The following PRR5L variants were observed in gnomAD, a reference collection of about 807,000 sequenced individuals.
PRR5L encodes the protein proline rich 5 like.
A neutral mutation model predicts 36.4 loss-of-function variants in PRR5L; 21 were observed. The ratio of observed to expected loss-of-function variants is 0.58; its 90% CI spans 0.41 to 0.83. The LOEUF is 0.83. Among genes scored for constraint, PRR5L ranks in the 40% least tolerant of loss-of-function variants. The pLI, the probability that PRR5L is intolerant of heterozygous loss-of-function variation, is 0.00. For missense variants in PRR5L, 381 were observed against 473.3 expected, an observed-to-expected ratio of 0.80 and a Z score of 1.81; for synonymous variants, 188 against 197.0, an observed-to-expected ratio of 0.95 and a Z score of 0.38.
Position 36,462,394 on chromosome 11 carries a change from C to T in PRR5L, c.765C>T (p.Ser255=), listed in dbSNP as rs1435336463. 1 of 1,557,950 alleles carries T rather than the reference C, an allele frequency of 6.4e-7. No homozygotes were observed. The highest frequency in any genetic ancestry group is 8.7e-7 in the Non-Finnish European group (1 of 1,149,510). ...RPKVTVLNYA[S]PITAVSRPLN... ...AGGTGACTGTCCTGAACTATGCCTC[C>T]CCGATAACCGCAGTCAGCCGGCCAC... The change falls in exon 9 of 9, where the codon TCC becomes TCT. Residue 255 remains serine, a synonymous_variant. Coordinates refer to ENST00000530639, the MANE Select transcript of PRR5L (RefSeq NM_001160167.2).
intron 1 of PRR5L, among the ~76,000 whole-genome samples, chr11:36,379,718 G>T (rs979976325): frequency 6.6e-6 from 1 of 152,158 alleles, no homozygotes; most frequent in African/African-American, 2.4e-5. Context: ...AGCCAAGGAG[G>T]GGGATGGATG....
chr11:36,352,659 C>G (rs1478689974), intron 1 of PRR5L, among the ~76,000 whole-genome samples: 2 of 152,094 alleles, frequency 1.3e-5, no homozygotes, highest in East Asian at 3.9e-4. Flanking sequence ...TCCCCTGTTT[C>G]TTCTATTCAG....
At chr11:36,309,699 C>G (rs1484637024) in intron 1 of PRR5L, among the ~76,000 whole-genome samples, 1 of 1,294 alleles carries the variant, frequency 7.7e-4, no homozygotes, top group Non-Finnish European at 1.9e-3. Flanking sequence ...AAAATGTTTC[C>G]TTGTCTTCTC....
At chr11:36,374,107 T>TTCCTTCCTTCCTTC (rs1554989613) in intron 1 of PRR5L, among the ~76,000 whole-genome samples, 1 of 90,566 alleles carries the variant, frequency 1.1e-5, no homozygotes, top group East Asian at 3.8e-4. Flanking sequence ...CCTTCCTTCC[T>TTCCTTCCTTCCTTC]CTCTCTCTCT....
At chr11:36,398,029 A>G (rs1857705799) in intron 1 of PRR5L, among the ~76,000 whole-genome samples, 1 of 152,106 alleles carries the variant, frequency 6.6e-6, no homozygotes, top group South Asian at 2.1e-4. Context: ...TCCTGACCTC[A>G]GGTGATCCAC....
At chr11:36,310,990 G>A (rs192736779) in intron 1 of PRR5L, among the ~76,000 whole-genome samples, 1,764 of 77,176 alleles carry the variant, frequency 0.023, 17 homozygotes, top group Middle Eastern at 0.065. Context: ...GTGAGACTCC[G>A]TCTCCAAAAA....
chr11:36,335,316 C>T (rs531834859), intron 1 of PRR5L, among the ~76,000 whole-genome samples: 2 of 152,234 alleles, frequency 1.3e-5, no homozygotes, highest in East Asian at 1.9e-4. Flanking sequence ...CTGCCTGCCT[C>T]GACCTCCCAA....
At chr11:36,448,380 C>A (rs767212013) in intron 7 of PRR5L, among the ~76,000 whole-genome samples, 20 of 152,118 alleles carry the variant, frequency 1.3e-4, no homozygotes, top group Non-Finnish European at 2.2e-4. Context: ...CATCTCCCAC[C>A]CTTCCATCCC....
chr11:36,376,329 AG>A, intron 1 of PRR5L: 2 of 864,360 alleles, frequency 2.3e-6, no homozygotes, highest in South Asian at 2.9e-5. Flanking sequence ...GAGGGGGAGA[AG>A]GGGGAGGAGG....
intron 3 of PRR5L, among the ~76,000 whole-genome samples, chr11:36,414,631 G>T: frequency 7.1e-6 from 1 of 140,774 alleles, no homozygotes; most frequent in Non-Finnish European, 1.5e-5. Flanking sequence ...CAGATGAGTA[G>T]GTTGTGAAAA....
intron 7 of PRR5L, among the ~76,000 whole-genome samples, chr11:36,447,364 G>A (rs192872905): frequency 6.6e-6 from 1 of 152,326 alleles, no homozygotes; most frequent in African/African-American, 2.4e-5. Context: ...AATTGGTCCA[G>A]CTTGGGCTAG....
intron 6 of PRR5L, among the ~76,000 whole-genome samples, chr11:36,445,264 G>A (rs4756322): frequency 0.62 from 94,380 of 151,972 alleles, 29,842 homozygotes; most frequent in Admixed American, 0.68. Context: ...GGAACAACCG[G>A]CTTTTAGTGT....
chr11:36,435,945 C>G (rs1328303315), intron 5 of PRR5L, among the ~76,000 whole-genome samples: 1 of 152,190 alleles, frequency 6.6e-6, no homozygotes, highest in Non-Finnish European at 1.5e-5. Flanking sequence ...GGGCTCCATT[C>G]CCAATCCCGT....
Position 36,431,897 on chromosome 11 carries a change from C to G in PRR5L, c.339C>G (p.Ile113Met), listed in dbSNP as rs1231584958. Reference protein sequence around the residue: ...AKGLFFVEEKIKLCEGENRIE... With the variant: ...AKGLFFVEEKMKLCEGENRIE... The stretch of plus-strand genomic sequence containing the variant: ...GACTGTTCTTTGTGGAGGAGAAGAT[C>G]AAGCTGTGTGAAGGCAAGTACAAGA... Residue 113 changes from isoleucine (I) to methionine (M), a missense_variant, in exon 5 of 9, where the codon ATC becomes ATG. Ile to Met is a conservative substitution (Grantham distance 10). Coordinates refer to ENST00000530639, the MANE Select transcript of PRR5L (RefSeq NM_001160167.2). The G allele has an allele frequency of 1.9e-6, 3 of 1,613,972 alleles. No individual in the cohort carries two copies. The East Asian group carries it at 6.7e-5, about 36-fold the overall frequency.
intron 1 of PRR5L, among the ~76,000 whole-genome samples, chr11:36,392,062 G>T (rs1033657969): frequency 6.6e-6 from 1 of 152,170 alleles, no homozygotes; most frequent in Non-Finnish European, 1.5e-5. Context: ...ATGAGAACAT[G>T]TGAAGTCTGT....
intron 6 of PRR5L, among the ~76,000 whole-genome samples, chr11:36,442,486 C>T (rs1015210787): frequency 9.2e-5 from 14 of 152,188 alleles, no homozygotes; most frequent in Non-Finnish European, 1.2e-4. Context: ...GGATTACAGG[C>T]GCCTGCCACC....
intron 1 of PRR5L, among the ~76,000 whole-genome samples, chr11:36,371,314 C>G (rs939242013): frequency 2.0e-5 from 3 of 152,316 alleles, no homozygotes; most frequent in African/African-American, 7.2e-5. Flanking sequence ...ATTTTACACC[C>G]TGGTGTTAGA....
At chr11:36,376,604 G>C (rs1045707400) in intron 1 of PRR5L, 109 of 991,710 alleles carry the variant, frequency 1.1e-4, no homozygotes, top group East Asian at 2.3e-4. Context: ...AAACTTCCTC[G>C]GGAAGACCGG....
At chr11:36,450,684 G>A (rs1374157476) in intron 7 of PRR5L, among the ~76,000 whole-genome samples, 1 of 152,178 alleles carries the variant, frequency 6.6e-6, no homozygotes, top group Non-Finnish European at 1.5e-5. Flanking sequence ...CAGAAGAGGG[G>A]ATCAGAGCCA....
Sources: allele counts gnomAD v4.1 joint callset (sites outside exome capture counted in the v4.1 genomes callset), GRCh38; gene constraint gnomAD v4.1.1; transcripts MANE v1.5; gene names NCBI Gene and HGNC (gene_info 2026-07-23, HGNC 2026-07-21).